Variants in JCAD observed in about 807,000 individuals in gnomAD.
The protein encoded by JCAD is junctional cadherin 5-associated protein.
In JCAD, 40 loss-of-function variants were observed where a neutral mutation model predicts 98.0. That is an observed-to-expected ratio of 0.41 (90% CI 0.32 to 0.53). The LOEUF (loss-of-function observed/expected upper bound fraction) is 0.53. Ranked by LOEUF, JCAD falls within the 20% of genes least tolerant of loss-of-function variation. The pLI, the probability that JCAD is intolerant of heterozygous loss-of-function variation, is 0.31. For synonymous variants in JCAD, 691 were observed against 682.3 expected (o/e 1.01, Z -0.20); for missense variants, 1,705 against 1,738.1 (o/e 0.98, Z 0.34).
At chr10:30,026,060 C>T (rs773441225) in intron 3 of JCAD, 43 bp downstream of exon 3, 1 of 1,612,184 alleles carries the variant, frequency 6.2e-7, no homozygotes, top group Non-Finnish European at 8.5e-7. Context: ...ACTAAAAACT[C>T]CAAATGTATA....
chr10:30,108,770 G>A (rs1339264867), intron 1 of JCAD, among the ~76,000 whole-genome samples: 1 of 151,022 alleles, frequency 6.6e-6, no homozygotes, highest in East Asian at 1.9e-4. Flanking sequence ...TGCCTTCTTC[G>A]TAAACTTACA....
At chr10:30,094,768 C>T (rs549870418) in intron 1 of JCAD, among the ~76,000 whole-genome samples, 11 of 152,302 alleles carry the variant, frequency 7.2e-5, no homozygotes, top group Middle Eastern at 3.4e-3. Flanking sequence ...TCCCCACACA[C>T]CTCACCGATT....
At chr10:30,053,553 C>T (rs1320057211) in intron 1 of JCAD, among the ~76,000 whole-genome samples, 1 of 123,176 alleles carries the variant, frequency 8.1e-6, no homozygotes. Context: ...AGCGGATACT[C>T]TGTCTCAAAA....
At chr10:30,023,516 T>C (rs1004889636) in intron 3 of JCAD, among the ~76,000 whole-genome samples, 2 of 152,180 alleles carry the variant, frequency 1.3e-5, no homozygotes, top group African/African-American at 4.8e-5. Flanking sequence ...GTGCACTCTC[T>C]ATGGTGTTCA....
intron 1 of JCAD, among the ~76,000 whole-genome samples, chr10:30,100,281 ACT>A (rs1247973673): frequency 6.6e-6 from 1 of 152,108 alleles, no homozygotes; most frequent in Non-Finnish European, 1.5e-5. Flanking sequence ...GGAAATTATG[ACT>A]CTGTTTTGTT....
Position 30,027,360 on chromosome 10 carries a change from G to T in JCAD, c.2788C>A (p.Pro930Thr), listed in dbSNP as rs775253446. 1.2e-6 allele frequency: 2 copies of T among 1,610,856 alleles called. No homozygotes were observed. The highest frequency in any genetic ancestry group is 8.5e-7 in the Non-Finnish European group (1 of 1,180,016). Residue 930 changes from proline to threonine, a missense_variant, in exon 3 of 4, where the codon CCA (proline) becomes ACA (threonine). Pro to Thr is a conservative substitution (Grantham distance 38). Coordinates refer to ENST00000375377, the MANE Select transcript of JCAD (RefSeq NM_020848.4). Reference sequence around the variant, plus strand: ...TCCACGCGAAAGCGGCCCGGGGATGGAGGCCAGGCACGTGGGTGGCCAGGC... The same window carrying T: ...TCCACGCGAAAGCGGCCCGGGGATGTAGGCCAGGCACGTGGGTGGCCAGGC... ...LQPGHPRAWP[P>T]SPGRFRVEEG...
chr10:30,046,410 A>T (rs1414003083), intron 2 of JCAD, among the ~76,000 whole-genome samples: 1 of 152,132 alleles, frequency 6.6e-6, no homozygotes, highest in East Asian at 1.9e-4. Context: ...GGATGCCCAC[A>T]TTAGGGCCAG....
chr10:30,103,044 T>A (rs1179717610), intron 1 of JCAD, among the ~76,000 whole-genome samples: 1 of 152,206 alleles, frequency 6.6e-6, no homozygotes, highest in African/African-American at 2.4e-5. Flanking sequence ...CAATTGAAGA[T>A]GAGGTTTGGG....
chr10:30,088,450 A>T (rs76130047), intron 1 of JCAD, among the ~76,000 whole-genome samples: 1,572 of 152,238 alleles, frequency 0.01, 25 homozygotes, highest in Middle Eastern at 0.054. Flanking sequence ...ACTTAGAGCA[A>T]GCAGAGAGAT....
chr10:30,046,440 T>C (rs1053684207), intron 2 of JCAD, among the ~76,000 whole-genome samples: 2 of 152,170 alleles, frequency 1.3e-5, no homozygotes, highest in African/African-American at 4.8e-5. Flanking sequence ...AAGGAAAAGA[T>C]AGGTCAGAAG....
chr10:30,019,390 T>C (rs1201060900), intron 3 of JCAD, among the ~76,000 whole-genome samples: 4 of 140,686 alleles, frequency 2.8e-5, no homozygotes, highest in Non-Finnish European at 6.2e-5. Flanking sequence ...AAAAAAGAAA[T>C]TGTATATACA....
chr10:30,100,304 C>T (rs1261988122), intron 1 of JCAD, among the ~76,000 whole-genome samples: 8 of 152,048 alleles, frequency 5.3e-5, no homozygotes, highest in South Asian at 2.1e-4. Context: ...AACAAAGAGT[C>T]GAACTCTAAA....
Position 30,028,449 on chromosome 10 carries a change from T to C in JCAD, c.1699A>G (p.Thr567Ala). 1 of 1,614,104 alleles carries C rather than the reference T, an allele frequency of 6.2e-7. No homozygotes were observed. The highest frequency in any genetic ancestry group is 1.7e-5 in the Admixed American group (1 of 60,012). ...ATTTTTTTCTTTGAACTTTTCTTGG[T>C]CCGAGTCCCAGTTTGGAACTTTTTG... ...KLKKFQTGTR[T>A]KKSSKKKMNE... Residue 567 changes from threonine (T) to alanine (A), a missense_variant, in exon 3 of 4, where the codon ACC becomes GCC. This residue lies in a region of JCAD where 1,278 missense variants were observed against 1,243.1 expected (regional missense o/e 1.03). Coordinates refer to ENST00000375377, the MANE Select transcript of JCAD (RefSeq NM_020848.4).
In JCAD at chr10:30,028,485, G is replaced by C. The variant is rs748303951; in HGVS notation, c.1663C>G (p.Gln555Glu). The part of the protein sequence containing the change: ...YSQGESTCET[Q>E]TKLKKFQTGT... Reference sequence around the variant, plus strand: ...GTTTGGAACTTTTTGAGCTTGGTTTGAGTTTCGCAGGTGCTCTCGCCCTGT... The same window carrying C: ...GTTTGGAACTTTTTGAGCTTGGTTTCAGTTTCGCAGGTGCTCTCGCCCTGT... Residue 555 changes from glutamine to glutamate, a missense_variant, in exon 3 of 4, where the codon CAA (glutamine) becomes GAA (glutamate). Gln to Glu is a conservative substitution (Grantham distance 29, BLOSUM62 2). Around this residue, in one of 3 missense-constraint regions of JCAD, gnomAD observed 1,278 missense variants for 1,243.1 expected, o/e 1.03. Transcript: ENST00000375377. 3 of 1,614,092 alleles carry C rather than the reference G, an allele frequency of 1.9e-6. No individual in the cohort carries two copies. The African/African-American group carries it at 4.0e-5, about 22-fold the overall frequency.
rs1038024980 is a variant in JCAD at position 30,028,792 on chromosome 10, T to C, written c.1356A>G (p.Ser452=). 2 of 1,614,216 alleles carry C rather than the reference T, an allele frequency of 1.2e-6. No individual in the cohort carries two copies. Among genetic ancestry groups the C allele is most frequent in the Non-Finnish European group, 1.7e-6 (2 of 1,180,048 alleles). Residue 452 remains serine, a synonymous_variant, in exon 3 of 4, where the codon TCA becomes TCG. Transcript: ENST00000375377. ...GAGCAGTGACAGGACTGGAGTTATA[T>C]GATTTATCGTCAAGCTTTATGTCTT... is the stretch of plus-strand genomic sequence containing the variant. ...FCEDIKLDDK[S]YNSSPVTAQE...
intron 1 of JCAD, among the ~76,000 whole-genome samples, chr10:30,048,691 G>A (rs556999352): frequency 2.0e-5 from 3 of 151,982 alleles, no homozygotes; most frequent in East Asian, 1.9e-4. Context: ...TCAGCCTCTC[G>A]AGTTGCTGGG....
chr10:30,113,461 G>A (rs1270322600), intron 1 of JCAD, among the ~76,000 whole-genome samples: 1 of 139,832 alleles, frequency 7.2e-6, no homozygotes, highest in Admixed American at 8.1e-5. Context: ...TGAGGGAGGA[G>A]AATCGCTTGA....
chr10:30,092,096 C>CA (rs1838288490), intron 1 of JCAD, among the ~76,000 whole-genome samples: 4 of 6,256 alleles, frequency 6.4e-4, no homozygotes, highest in Non-Finnish European at 9.2e-4. Flanking sequence ...TATAAAGTTA[C>CA]TTTATATATA....
intron 1 of JCAD, among the ~76,000 whole-genome samples, chr10:30,112,480 CT>C (rs1207045843): frequency 1.3e-5 from 2 of 152,090 alleles, no homozygotes; most frequent in Non-Finnish European, 2.9e-5. Flanking sequence ...GAGACCCTGT[CT>C]CTTTAGAAAA....
Sources: gnomAD v4.1 joint callset for allele counts (sites outside exome capture counted in the v4.1 genomes callset) on GRCh38, gnomAD v4.1.1 for gene constraint, gnomAD v4.1.1 regional missense constraint, MANE v1.5 for transcripts, NCBI Gene and HGNC (gene_info 2026-07-23, HGNC 2026-07-21) for gene names.